The following CDH18 variants were observed in gnomAD, a reference collection of about 807,000 sequenced individuals.
CDH18 encodes cadherin-18.
Under a neutral mutation model 67.9 loss-of-function variants are expected in CDH18, and 31 were observed. The ratio of observed to expected loss-of-function variants is 0.46; its 90% confidence interval spans 0.34 to 0.62. CDH18 has a LOEUF of 0.62. Among genes scored for constraint, CDH18 ranks in the 20% least tolerant of loss-of-function variants. The probability of loss-of-function intolerance (pLI) is 0.01; values close to 1 mark genes in which losing one functional copy is unlikely to be tolerated. For synonymous variants in CDH18, 362 were observed against 347.2 expected (o/e 1.04, Z -0.48); for missense variants, 890 against 975.5 (o/e 0.91, Z 1.17).
chr5:20,528,092 A>G (rs1016129901), intron 1 of CDH18, among the ~76,000 whole-genome samples: 11 of 152,092 alleles, frequency 7.2e-5, no homozygotes, highest in African/African-American at 2.2e-4. Context: ...GAAAAGCAGA[A>G]AAAAGTGGGG....
At chr5:20,172,246 A>ATATG (rs1736892070) in intron 2 of CDH18, among the ~76,000 whole-genome samples, 3 of 135,856 alleles carry the variant, frequency 2.2e-5, no homozygotes, top group Non-Finnish European at 3.1e-5. Flanking sequence ...ATATGTATAT[A>ATATG]TATATATATA....
intron 2 of CDH18, among the ~76,000 whole-genome samples, chr5:19,869,442 C>T (rs1489117070): frequency 6.6e-6 from 1 of 151,792 alleles, no homozygotes; most frequent in African/African-American, 2.4e-5. Context: ...AAAATGATCC[C>T]CTAAAATGAA....
upstream of CDH18, chr5:19,988,227 C>T (rs1298802167): frequency 6.6e-6 from 1 of 152,120 alleles, no homozygotes; most frequent in Non-Finnish European, 1.5e-5. Context: ...GAGCCCTGGG[C>T]TCCGAGGCTG....
At chr5:19,767,012 ATAT>A (rs962992569) in intron 3 of CDH18, among the ~76,000 whole-genome samples, 3 of 151,812 alleles carry the variant, frequency 2.0e-5, no homozygotes, top group African/African-American at 4.8e-5. Flanking sequence ...TTTTTAATAA[ATAT>A]TATTAAAAAT....
At position 20,364,538 on chromosome 5, in the gene CDH18, T is replaced by C. The variant is rs547627695; in HGVS notation, c.-579-109033A>G. Among the ~76,000 whole-genome samples, 8 of 152,268 alleles carry C rather than the reference T, an allele frequency of 5.3e-5. No homozygotes were observed. The East Asian group carries it at 1.5e-3, about 29-fold the overall frequency. On this transcript the variant is annotated intron_variant, in intron 1 of 14. Transcript: ENST00000507958. ...AGAGTCTAGGTTTTAGAACATGTTT[T>C]CAGAATTTAAATTAAATGCCTGAAT...
At chr5:19,593,729 C>CTTCTTCTTG (rs749745617) in intron 6 of CDH18, among the ~76,000 whole-genome samples, 3,111 of 141,334 alleles carry the variant, frequency 0.022, 108 homozygotes, top group Non-Finnish European at 0.032. Flanking sequence ...TCTTCTTCTT[C>CTTCTTCTTG]TTCTTCTTCT....
In CDH18 at chr5:19,845,836, G is replaced by A. The variant is rs533534969; in HGVS notation, c.-256-6594C>T. On this transcript the variant is annotated intron_variant, in intron 2 of 12. Coordinates refer to ENST00000382275, the MANE Select transcript of CDH18 (RefSeq NM_004934.5). ...GTATAGCTTTCCTTTGCTCTCTTTCGCTTAACATTTGCATGGAATATATAT... is the reference window on the plus strand; with the variant it reads ...GTATAGCTTTCCTTTGCTCTCTTTCACTTAACATTTGCATGGAATATATAT... 1.5e-3 allele frequency among the ~76,000 whole-genome samples: 209 copies of A among 142,744 alleles called. 1 individual carries two copies. The highest frequency in any genetic ancestry group is 2.6e-3 in the Non-Finnish European group (167 of 65,096). The allele number at this position is 142,744 out of a possible 152,430, so 93.6% of individuals were successfully genotyped here.
At chr5:20,417,023 C>T (rs991232) in intron 1 of CDH18, among the ~76,000 whole-genome samples, 119,147 of 152,062 alleles carry the variant, frequency 0.78, 46,894 homozygotes, top group Admixed American at 0.86. Context: ...CAGCTTCCAG[C>T]TCACACATTA....
At position 20,064,804 on chromosome 5, in the gene CDH18, G is replaced by A. The variant is rs1742827936; in HGVS notation, c.-517-72790C>T. 2.6e-5 allele frequency among the ~76,000 whole-genome samples: 4 copies of A among 152,076 alleles called. No individual in the cohort carries two copies. The South Asian group carries it at 8.3e-4, about 31-fold the overall frequency. ...GAACATGCTCAGCTTACTGCATTGG[G>A]CTGCTGTGTGAAACAATTGAGATAA... On this transcript the variant is annotated intron_variant, in intron 2 of 14. Transcript: ENST00000507958.
At chr5:20,467,248 G>A (rs535619203) in intron 1 of CDH18, among the ~76,000 whole-genome samples, 1 of 152,016 alleles carries the variant, frequency 6.6e-6, no homozygotes, top group African/African-American at 2.4e-5. Flanking sequence ...TTAAAGAGTG[G>A]TAAATAAGGC....
chr5:19,590,059 T>A (rs1361513776), intron 7 of CDH18, among the ~76,000 whole-genome samples: 1 of 152,140 alleles, frequency 6.6e-6, no homozygotes, highest in Non-Finnish European at 1.5e-5. Context: ...TTAGAAGCTG[T>A]GTGCATGTAG....
intron 8 of CDH18, among the ~76,000 whole-genome samples, chr5:19,560,481 C>A (rs1197171328): frequency 6.6e-6 from 1 of 151,996 alleles, no homozygotes; most frequent in Non-Finnish European, 1.5e-5. Flanking sequence ...AAACTGGATC[C>A]TCATTTCTCA....
intron 1 of CDH18, among the ~76,000 whole-genome samples, chr5:20,411,156 C>T (rs1158226554): frequency 6.6e-6 from 1 of 151,702 alleles, no homozygotes; most frequent in Non-Finnish European, 1.5e-5. Context: ...ATCTTAAGAA[C>T]AAAAAACCCA....
At chr5:20,548,833 TA>T (rs1757483156) in intron 1 of CDH18, among the ~76,000 whole-genome samples, 1 of 152,148 alleles carries the variant, frequency 6.6e-6, no homozygotes, top group African/African-American at 2.4e-5. Context: ...CACAGGTAGC[TA>T]TGGGTGATGA....
intron 2 of CDH18, among the ~76,000 whole-genome samples, chr5:20,003,297 TTGTG>T (rs557130483): frequency 6.7e-6 from 1 of 150,132 alleles, no homozygotes; most frequent in Admixed American, 6.6e-5. Flanking sequence ...GTGGCTGTGT[TTGTG>T]TGTGTGTGTG....
intron 2 of CDH18, among the ~76,000 whole-genome samples, chr5:20,221,877 T>C (rs1347791695): frequency 6.6e-6 from 1 of 152,174 alleles, no homozygotes; most frequent in Non-Finnish European, 1.5e-5. Flanking sequence ...TATCTAAACC[T>C]TAAATTAAAA....
chr5:20,472,916 G>T (rs766012836), intron 1 of CDH18, among the ~76,000 whole-genome samples: 7 of 152,080 alleles, frequency 4.6e-5, no homozygotes, highest in Non-Finnish European at 1.0e-4. Flanking sequence ...TTTTAACTGA[G>T]GTACATACTA....
intron 8 of CDH18, 99 bp downstream of exon 8, chr5:19,571,480 G>T: frequency 9.4e-7 from 1 of 1,065,010 alleles, no homozygotes; most frequent in Non-Finnish European, 1.3e-6. Context: ...AGAAAACAAC[G>T]TAGAAATAAA....
intron 2 of CDH18, among the ~76,000 whole-genome samples, chr5:19,917,821 A>G (rs1057266023): frequency 9.2e-5 from 14 of 152,184 alleles, no homozygotes; most frequent in African/African-American, 2.9e-4. Flanking sequence ...ATTGCATAAC[A>G]TAATGTGGTC....
Sources: gnomAD v4.1 joint callset for allele counts (sites outside exome capture counted in the v4.1 genomes callset) on GRCh38, gnomAD v4.1.1 for gene constraint, MANE v1.5 for transcripts, NCBI Gene and HGNC (gene_info 2026-07-23, HGNC 2026-07-21) for gene names.